The following DHX57 variants were observed in gnomAD, a reference collection of about 807,000 sequenced individuals.
The protein encoded by DHX57 is putative ATP-dependent RNA helicase DHX57.
In DHX57, 105 loss-of-function variants were observed where a neutral mutation model predicts 156.2. The observed-to-expected ratio is 0.67, with a 90% CI of 0.57 to 0.79. The LOEUF (loss-of-function observed/expected upper bound fraction) is 0.79. Among genes scored for constraint, DHX57 ranks in the 30% least tolerant of loss-of-function variants. The pLI is 0.00. For synonymous variants in DHX57, 704 were observed against 595.6 expected, an observed-to-expected ratio of 1.18 and a Z score of -2.65; for missense variants, 1,847 against 1,661.9, an observed-to-expected ratio of 1.11 and a Z score of -1.94.
chr2:38,863,052 A>G (rs528097229), intron 3 of DHX57: 14 of 227,304 alleles, frequency 6.2e-5, no homozygotes, highest in Non-Finnish European at 1.0e-4. Flanking sequence ...TGCTCATTCA[A>G]CACTACTTCT....
At chr2:38,806,278 TG>T in intron 22 of DHX57, 1 of 337,654 alleles carries the variant, frequency 3.0e-6, no homozygotes, top group Non-Finnish European at 5.3e-6. Flanking sequence ...GATTCAGTGA[TG>T]TAATTAGCTC....
At position 38,811,121 on chromosome 2, in the gene DHX57, AG is replaced by A. The variant is rs368059813; in HGVS notation, c.3681+2699del. The A allele has an allele frequency of 8.6e-5, 47 of 547,184 alleles. No individual in the cohort carries two copies. In the African/African-American group the frequency reaches 8.7e-4, roughly 10 times the overall value. 33.9% of individuals were successfully genotyped at this position (547,184 alleles called of 1,614,324 possible). ...TCCAGCCTCGTGGCTGATGTGCATG[AG>A]GTTCTCGTCCATGTTCCATGGGTGC... On this transcript the variant is annotated intron_variant, in intron 21 of 23. Coordinates refer to ENST00000457308, the MANE Select transcript of DHX57 (RefSeq NM_198963.3).
At chr2:38,863,287 A>G in intron 3 of DHX57, 74 bp downstream of exon 3, 1 of 1,481,536 alleles carries the variant, frequency 6.7e-7, no homozygotes, top group Non-Finnish European at 9.1e-7. Flanking sequence ...ACAGCATTCC[A>G]AAGATGCACA....
Position 38,870,772 on chromosome 2 carries a change from C to T in DHX57, c.-6-2361G>A, listed in dbSNP as rs1360062633. 2.6e-5 allele frequency among the ~76,000 whole-genome samples: 4 copies of T among 151,846 alleles called. No homozygotes were observed. The East Asian group carries it at 5.8e-4, about 22-fold the overall frequency. On this transcript the variant is annotated intron_variant, in intron 1 of 23. Coordinates refer to ENST00000457308, the MANE Select transcript of DHX57 (RefSeq NM_198963.3). Reference sequence around the variant, plus strand: ...CACACACCTGTAGTCCCAGCTGCTTCGGAGGCTGAGGCAGGAGAATCACTT... The same window carrying T: ...CACACACCTGTAGTCCCAGCTGCTTTGGAGGCTGAGGCAGGAGAATCACTT...
chr2:38,818,210 G>A (rs1001932368), intron 19 of DHX57, among the ~76,000 whole-genome samples: 1 of 152,040 alleles, frequency 6.6e-6, no homozygotes, highest in Non-Finnish European at 1.5e-5. Flanking sequence ...TACAATTTCA[G>A]GGGCTTAGGG....
intron 5 of DHX57, 127 bp from the exon 6 acceptor site, chr2:38,858,963 G>T (rs1673046985): frequency 2.2e-6 from 2 of 900,294 alleles, no homozygotes; most frequent in South Asian, 3.8e-5. Context: ...CTTGAATAAA[G>T]TAAGTTCATT....
rs964200602 is a variant in DHX57 at position 38,836,775 on chromosome 2, CA to C, written c.2542+1055del. The stretch of plus-strand genomic sequence containing the variant: ...TGGGCAAGAGAGTGAGACCCTGTCT[CA>C]AAAAAAAAAAAAAAAAAAAAAGAAA... On this transcript the variant is annotated intron_variant, in intron 13 of 23. Transcript: ENST00000457308. Among the ~76,000 whole-genome samples the C allele has an allele frequency of 7.2e-3, 305 of 42,464 alleles. 1 individual carries two copies. Among genetic ancestry groups the C allele is most frequent in the Middle Eastern group, 0.018 (2 of 110 alleles). The allele number at this position is 42,464 out of a possible 152,430, so 27.9% of individuals were successfully genotyped here. A position where few individuals can be genotyped will look rare whatever the true frequency, so the allele number is the denominator to read the frequency against.
At chr2:38,828,472 A>G in intron 13 of DHX57, 36 bp from the exon 14 acceptor site, 1 of 1,470,748 alleles carries the variant, frequency 6.8e-7, no homozygotes, top group East Asian at 2.3e-5. Flanking sequence ...GTGGGTAAGC[A>G]TAGGCACAGA....
At chr2:38,849,347 G>T (rs1332414682) in intron 9 of DHX57, among the ~76,000 whole-genome samples, 1 of 152,098 alleles carries the variant, frequency 6.6e-6, no homozygotes, top group South Asian at 2.1e-4. Flanking sequence ...CACCCTAATT[G>T]GTCTCTTGGC....
chr2:38,858,585 C>A, intron 6 of DHX57, 76 bp downstream of exon 6: 1 of 1,494,770 alleles, frequency 6.7e-7, no homozygotes, highest in Admixed American at 2.4e-5. Flanking sequence ...GGAGGGTAGC[C>A]AAAGCTCCCT....
chr2:38,817,982 A>G (rs569715412), intron 19 of DHX57, among the ~76,000 whole-genome samples: 1 of 152,186 alleles, frequency 6.6e-6, no homozygotes, highest in South Asian at 2.1e-4. Flanking sequence ...TGAGCCACCA[A>G]GCCCGGCTAA....
chr2:38,823,280 AACAAAATAAT>A lies in DHX57; in HGVS notation c.3015-21_3015-12del, dbSNP rs774516938. The A allele has an allele frequency of 1.0e-5, 16 of 1,606,506 alleles. No individual in the cohort carries two copies. Among genetic ancestry groups the A allele is most frequent in the Non-Finnish European group, 1.3e-5 (15 of 1,174,030 alleles). ...TCTAAAATTTTAATTCTGAAAAGGA[AACAAAATAAT>A]AATTTGTCAATTTTATTTCTGGTGG... On this transcript the variant is annotated splice_polypyrimidine_tract_variant and intron_variant, in intron 16 of 23. Coordinates refer to ENST00000457308, the MANE Select transcript of DHX57 (RefSeq NM_198963.3).
intron 12 of DHX57, among the ~76,000 whole-genome samples, chr2:38,839,260 T>G (rs1671852842): frequency 6.6e-6 from 1 of 151,870 alleles, no homozygotes; most frequent in Admixed American, 6.6e-5. Flanking sequence ...AATAGTATAT[T>G]GTTGGGGTGA....
intron 22 of DHX57, 115 bp from the exon 23 acceptor site, chr2:38,803,030 T>C (rs1669770060): frequency 3.5e-6 from 4 of 1,138,666 alleles, no homozygotes; most frequent in Non-Finnish European, 3.8e-6. Context: ...AATTTATCTA[T>C]AGCCCGTGAC....
rs1033101981 is a variant in DHX57 at position 38,823,160 on chromosome 2, C to G, written c.3124G>C (p.Asp1042His). 4 of 1,613,978 alleles carry G rather than the reference C, an allele frequency of 2.5e-6. No individual in the cohort carries two copies. The African/African-American group carries it at 4.0e-5, about 16-fold the overall frequency. Residue 1042 changes from aspartate to histidine, a missense_variant, in exon 17 of 24, where the codon GAC becomes CAC. Coordinates refer to ENST00000457308, the MANE Select transcript of DHX57 (RefSeq NM_198963.3). ...TCATCTGGAGTTAATGCTCCTAAGT[C>G]TCGTAATCGTATTTTTGAGGCACGA... ...SLRASKIRLR[D>H]LGALTPDERL... is the part of the protein sequence containing the mutation.
chr2:38,807,582 C>T (rs926686918), intron 21 of DHX57, among the ~76,000 whole-genome samples: 1 of 152,102 alleles, frequency 6.6e-6, no homozygotes, highest in Non-Finnish European at 1.5e-5. Flanking sequence ...TGGTCTCGAT[C>T]TCCTGACCTT....
chr2:38,841,641 G>T (rs1672008750), intron 12 of DHX57, among the ~76,000 whole-genome samples: 1 of 152,176 alleles, frequency 6.6e-6, no homozygotes, highest in Non-Finnish European at 1.5e-5. Flanking sequence ...TCTTACTCAT[G>T]AACAATAAAC....
At chr2:38,807,542 A>G (rs1670015937) in intron 21 of DHX57, among the ~76,000 whole-genome samples, 1 of 151,596 alleles carries the variant, frequency 6.6e-6, no homozygotes, top group East Asian at 1.9e-4. Flanking sequence ...TATTTTTAGT[A>G]GAGACGGGGT....
chr2:38,861,014 T>A lies in DHX57; in HGVS notation c.1396A>T (p.Asn466Tyr), dbSNP rs961920916. 1 of 1,613,248 alleles carries A rather than the reference T, an allele frequency of 6.2e-7. No homozygotes were observed. The highest frequency in any genetic ancestry group is 8.5e-7 in the Non-Finnish European group (1 of 1,179,564). The change falls in exon 5 of 24, where the codon AAT becomes TAT. Residue 466 changes from asparagine (N) to tyrosine (Y), a missense_variant. By Grantham distance (143) the Asn-to-Tyr change is moderately radical (BLOSUM62 -2). Transcript: ENST00000457308. ...CCTTACATACCTTCTGGAATTTGAT[T>A]AGAAACAAAAGAATTATTTGGAATC... ...TVIPNNSFVS[N>Y]QIPEVEKASE...
Sources: gnomAD v4.1 joint callset for allele counts (sites outside exome capture counted in the v4.1 genomes callset) on GRCh38, gnomAD v4.1.1 for gene constraint, MANE v1.5 for transcripts, NCBI Gene and HGNC (gene_info 2026-07-23, HGNC 2026-07-21) for gene names.